CCDC171: variants seen among roughly 807,000 people sequenced by gnomAD.
CCDC171 encodes the protein coiled-coil domain-containing protein 171.
CCDC171 carries 177 observed loss-of-function variants against 168.2 expected under a neutral mutation model. The observed-to-expected ratio is 1.05, with a 90% CI of 0.93 to 1.19. The LOEUF is 1.19. CCDC171 is among the 50% of genes most tolerant of loss of function. The pLI is 0.00. For synonymous variants in CCDC171, 687 were observed against 540.8 expected, an observed-to-expected ratio of 1.27 and a Z score of -3.75; for missense variants, 1,991 against 1,539.0, an observed-to-expected ratio of 1.29 and a Z score of -4.91.
At chr9:15,896,253 G>T (rs2131572476) in intron 24 of CCDC171, among the ~76,000 whole-genome samples, 1 of 152,066 alleles carries the variant, frequency 6.6e-6, no homozygotes, top group East Asian at 1.9e-4. Flanking sequence ...AGTTGTATAT[G>T]CCATGGTTGA....
intron 25 of CCDC171, among the ~76,000 whole-genome samples, chr9:15,963,563 C>A (rs899617034): frequency 1.3e-5 from 2 of 152,118 alleles, no homozygotes; most frequent in African/African-American, 4.8e-5. Flanking sequence ...TTGCCTGATT[C>A]CCTCTTTTCA....
At chr9:15,560,570 A>C (rs749864196) in intron 1 of CCDC171, among the ~76,000 whole-genome samples, 1 of 152,056 alleles carries the variant, frequency 6.6e-6, no homozygotes, top group African/African-American at 2.4e-5. Context: ...CATCGTTTTC[A>C]GCTCCATCAG....
At chr9:15,946,346 A>G (rs1339508123) in intron 25 of CCDC171, among the ~76,000 whole-genome samples, 1 of 152,022 alleles carries the variant, frequency 6.6e-6, no homozygotes, top group Non-Finnish European at 1.5e-5. Context: ...ATCAATGTGC[A>G]AAAATCACAA....
intron 24 of CCDC171, among the ~76,000 whole-genome samples, chr9:15,898,455 C>T (rs759425119): frequency 2.6e-5 from 4 of 152,132 alleles, no homozygotes; most frequent in Admixed American, 2.6e-4. Flanking sequence ...GATAATCTCT[C>T]ATGTTGAGTG....
chr9:15,734,099 A>T (rs1358694267), intron 16 of CCDC171, among the ~76,000 whole-genome samples: 1 of 152,174 alleles, frequency 6.6e-6, no homozygotes, highest in Admixed American at 6.5e-5. Flanking sequence ...GAAGTAAGAG[A>T]ATCAGTCATC....
intron 21 of CCDC171, among the ~76,000 whole-genome samples, chr9:15,789,399 G>T (rs1311032270): frequency 6.6e-6 from 1 of 152,140 alleles, no homozygotes; most frequent in Admixed American, 6.5e-5. Context: ...GGTTCCACCA[G>T]CAGATAGGAG....
At chr9:15,801,817 T>G (rs1479242732) in intron 21 of CCDC171, among the ~76,000 whole-genome samples, 1 of 152,202 alleles carries the variant, frequency 6.6e-6, no homozygotes, top group East Asian at 1.9e-4. Flanking sequence ...TTTAGGCTTT[T>G]TTAAAATCAT....
intron 18 of CCDC171, among the ~76,000 whole-genome samples, chr9:15,766,225 G>A (rs1588377759): frequency 1.3e-5 from 2 of 152,222 alleles, no homozygotes; most frequent in East Asian, 3.9e-4. Flanking sequence ...AGCTCCTGCT[G>A]TCTCCTGTGC....
intron 3 of CCDC171, among the ~76,000 whole-genome samples, chr9:16,011,872 A>T (rs1392646045): frequency 6.6e-6 from 1 of 152,206 alleles, no homozygotes; most frequent in Admixed American, 6.5e-5. Flanking sequence ...CTCATCAGTC[A>T]GAAGATTGTC....
chr9:15,764,876 A>C (rs1002735522), intron 18 of CCDC171, among the ~76,000 whole-genome samples: 1 of 152,212 alleles, frequency 6.6e-6, no homozygotes, highest in Non-Finnish European at 1.5e-5. Context: ...GGGGTGGGAC[A>C]TAACTGCTTT....
chr9:15,671,588 T>C (rs2049116248), intron 9 of CCDC171, among the ~76,000 whole-genome samples: 1 of 136,056 alleles, frequency 7.3e-6, no homozygotes, highest in South Asian at 2.4e-4. Flanking sequence ...AATTCCCACC[T>C]ATGAGTGACA....
intron 3 of CCDC171, among the ~76,000 whole-genome samples, chr9:15,998,382 C>T (rs767120227): frequency 2.6e-5 from 4 of 152,156 alleles, no homozygotes; most frequent in Non-Finnish European, 4.4e-5. Flanking sequence ...TCCCACCTCT[C>T]CTTCACTGGG....
In CCDC171 at chr9:15,993,990, G is replaced by A. The variant is rs562782919; in HGVS notation, n.369-26599G>A. The stretch of plus-strand genomic sequence containing the variant: ...AGGAACACTTCTACACTGTTGGTGG[G>A]ACTGTAAACTAGTTCAACCACTGTG... On this transcript the variant is annotated intron_variant and non_coding_transcript_variant, in intron 3 of 9. Transcript: ENST00000486641. 5.3e-5 allele frequency among the ~76,000 whole-genome samples: 8 copies of A among 152,320 alleles called. No individual in the cohort carries two copies. The South Asian group carries it at 1.7e-3, about 32-fold the overall frequency.
At chr9:15,807,466 C>T (rs79933285) in intron 21 of CCDC171, among the ~76,000 whole-genome samples, 1 of 152,170 alleles carries the variant, frequency 6.6e-6, no homozygotes, top group East Asian at 1.9e-4. Flanking sequence ...GATAGAATAA[C>T]CTTTACTCAG....
In CCDC171 at chr9:15,859,637, TTTTTGTTTTGTTTTG is replaced by T. The variant is rs572230037; in HGVS notation, c.3468+10710_3468+10724del. ...CCCCTCTGCCCCCACCCCCCGAATC[TTTTTGTTTTGTTTTG>T]TTTTGTTTTGTTTTGTTTTTTTGAG... On this transcript the variant is annotated intron_variant, in intron 23 of 25. Transcript: ENST00000380701. Among the ~76,000 whole-genome samples, 103 of 127,406 alleles carry T rather than the reference TTTTTGTTTTGTTTTG, an allele frequency of 8.1e-4. 1 individual carries two copies. The highest frequency in any genetic ancestry group is 2.7e-3 in the African/African-American group (88 of 32,668). 83.6% of individuals were successfully genotyped at this position (127,406 alleles called of 152,430 possible). A position where few individuals can be genotyped will look rare whatever the true frequency, so the allele number is the denominator to read the frequency against.
chr9:15,851,862 T>G (rs2061143197), intron 23 of CCDC171, among the ~76,000 whole-genome samples: 1 of 151,930 alleles, frequency 6.6e-6, no homozygotes, highest in Non-Finnish European at 1.5e-5. Context: ...CTTCTTTCAT[T>G]TAGCATAATT....
At chr9:15,602,119 G>C (rs2042903366) in intron 6 of CCDC171, among the ~76,000 whole-genome samples, 1 of 152,138 alleles carries the variant, frequency 6.6e-6, no homozygotes, top group African/African-American at 2.4e-5. Context: ...TTTGTAACTG[G>C]AATGTTTAGA....
intron 10 of CCDC171, among the ~76,000 whole-genome samples, chr9:15,688,971 T>C (rs1177819949): frequency 6.6e-6 from 1 of 152,158 alleles, no homozygotes; most frequent in Non-Finnish European, 1.5e-5. Context: ...AATCCACACA[T>C]GCAGAGAAAA....
At chr9:15,747,762 C>T (rs2055406273) in intron 18 of CCDC171, among the ~76,000 whole-genome samples, 1 of 152,114 alleles carries the variant, frequency 6.6e-6, no homozygotes, top group Admixed American at 6.5e-5. Flanking sequence ...CATCAAAGAC[C>T]AAAGATAGAT....
Sources: gnomAD v4.1 joint callset for allele counts (sites outside exome capture counted in the v4.1 genomes callset) on GRCh38, gnomAD v4.1.1 for gene constraint, MANE v1.5 for transcripts, NCBI Gene and HGNC (gene_info 2026-07-23, HGNC 2026-07-21) for gene names.